The following RPH3A variants were observed in gnomAD, a reference collection of about 807,000 sequenced individuals.
RPH3A encodes rabphilin-3A.
In RPH3A, 48 loss-of-function variants were observed where a neutral mutation model predicts 102.2. The observed-to-expected ratio is 0.47, with a 90% CI of 0.37 to 0.60. RPH3A has a LOEUF of 0.60. RPH3A is among the 20% of genes least tolerant of loss of function. The probability of loss-of-function intolerance (pLI) is 0.00; values close to 1 mark genes in which losing one functional copy is unlikely to be tolerated. For synonymous variants in RPH3A, 310 were observed against 324.3 expected (o/e 0.96, Z 0.47); for missense variants, 781 against 910.1 (o/e 0.86, Z 1.83).
chr12:112,761,772 G>T (rs571959616), intron 1 of RPH3A, among the ~76,000 whole-genome samples: 2 of 152,208 alleles, frequency 1.3e-5, no homozygotes, highest in South Asian at 4.1e-4. Flanking sequence ...CCTCTGAGGG[G>T]CTGTCTTGCA....
chr12:112,640,330 A>C (rs2039879692), intron 1 of RPH3A, among the ~76,000 whole-genome samples: 2 of 96,534 alleles, frequency 2.1e-5, no homozygotes, highest in South Asian at 4.2e-4. Flanking sequence ...CATCTCAAAA[A>C]AAAAAAAAAA....
rs1353601368 is a variant in RPH3A at position 112,621,972 on chromosome 12, T to C, written c.-140+46653T>C. Among the ~76,000 whole-genome samples the C allele has an allele frequency of 8.4e-4, 127 of 150,436 alleles. 1 individual carries two copies. Among genetic ancestry groups the C allele is most frequent in the Middle Eastern group, 3.4e-3 (1 of 292 alleles). On this transcript the variant is annotated intron_variant, in intron 1 of 21. Coordinates refer to the RPH3A transcript ENST00000543106. ...CACTGACACCTCACACGGCAGGGTA[T>C]TCCAACAGACCTGCAGCTGAGGGTC...
intron 1 of RPH3A, chr12:112,617,660 GCCTCGGAGACTT>G (rs2039691623): frequency 6.6e-6 from 1 of 152,154 alleles, no homozygotes; most frequent in South Asian, 2.1e-4. Context: ...TTTTATTTCT[GCCTCGGAGACTT>G]CCTGGAGGAA....
At chr12:112,712,925 C>CTCTTATTCTTCTTCTTCTTCTTCTTCT in intron 1 of RPH3A, among the ~76,000 whole-genome samples, 1 of 94,572 alleles carries the variant, frequency 1.1e-5, no homozygotes, top group East Asian at 2.9e-4. Context: ...CTTCTTCTTC[C>CTCTTATTCTTCTTCTTCTTCTTCTTCT]TCTTCTTCTT....
chr12:112,885,943 G>T (rs917445578), intron 16 of RPH3A, among the ~76,000 whole-genome samples: 15 of 152,096 alleles, frequency 9.9e-5, no homozygotes, highest in African/African-American at 3.4e-4. Flanking sequence ...CCTATAAGTG[G>T]TGCTACAGGG....
chr12:112,865,427 C>T lies in RPH3A; in HGVS notation c.244C>T (p.Arg82Cys), dbSNP rs769217929. 22 of 1,613,710 alleles carry T rather than the reference C, an allele frequency of 1.4e-5. No individual in the cohort carries two copies. Among genetic ancestry groups the T allele is most frequent in the East Asian group, 2.2e-5 (1 of 44,880 alleles). Residue 82 changes from arginine (R) to cysteine (C), a missense_variant, in exon 6 of 22, where the codon CGC becomes TGC. By Grantham distance (180) the Arg-to-Cys change is radical. Around this residue, in one of 2 missense-constraint regions of RPH3A, gnomAD observed 730 missense variants for 810.0 expected, o/e 0.90. Coordinates refer to ENST00000389385, the MANE Select transcript of RPH3A (RefSeq NM_001143854.2). ...EQERIGRLVD[R>C]LENMRKNVAG... ...CTCTGCTTCCAGACGCCTGGTGGAC[C>T]GCCTAGAAAACATGAGGAAGAACGT...
chr12:112,668,656 CG>C lies in RPH3A; in HGVS notation c.-140+93340del, dbSNP rs2040104393. Reference sequence around the variant, plus strand: ...GGGGAACATCAAACACCAGGCCTGTCGGGTGGTGGGGGCAAGGGGAGGGAGA... The same window carrying C: ...GGGGAACATCAAACACCAGGCCTGTCGGTGGTGGGGGCAAGGGGAGGGAGA... On this transcript the variant is annotated intron_variant, in intron 1 of 21. Transcript: ENST00000543106. 2.0e-5 allele frequency among the ~76,000 whole-genome samples: 3 copies of C among 152,056 alleles called. No homozygotes were observed. In the South Asian group the frequency reaches 6.3e-4, roughly 32 times the overall value.
intron 1 of RPH3A, among the ~76,000 whole-genome samples, chr12:112,681,909 G>C (rs1406621762): frequency 6.6e-6 from 1 of 152,156 alleles, no homozygotes; most frequent in Non-Finnish European, 1.5e-5. Context: ...TTTTAGCATG[G>C]CTTGCAAAGC....
At position 112,722,226 on chromosome 12, in the gene RPH3A, G is replaced by A. The variant is rs961505000; in HGVS notation, c.-139-69917G>A. ...CCATCATGCCTCAGAGATCACATGA[G>A]AATTGGTTATTGGAATTGTTTCCTT... On this transcript the variant is annotated intron_variant, in intron 1 of 21. Transcript: ENST00000543106. 2.0e-5 allele frequency among the ~76,000 whole-genome samples: 3 copies of A among 152,328 alleles called. No homozygotes were observed. In the East Asian group the frequency reaches 5.8e-4, roughly 29 times the overall value.
chr12:112,592,212 A>G (rs899105879), intron 1 of RPH3A, among the ~76,000 whole-genome samples: 2 of 152,166 alleles, frequency 1.3e-5, no homozygotes, highest in African/African-American at 2.4e-5. Context: ...CCCTGCCTCT[A>G]CCAAAAATAC....
chr12:112,831,284 G>C (rs1423460961), intron 3 of RPH3A, among the ~76,000 whole-genome samples: 1 of 151,738 alleles, frequency 6.6e-6, no homozygotes, highest in Admixed American at 6.6e-5. Flanking sequence ...GGGCTTGGGG[G>C]TTTACAAATT....
intron 1 of RPH3A, among the ~76,000 whole-genome samples, chr12:112,598,893 G>A (rs1810310152): frequency 6.6e-6 from 1 of 152,208 alleles, no homozygotes; most frequent in South Asian, 2.1e-4. Context: ...CTGGCCTCTT[G>A]TATAGACCTT....
At chr12:112,620,755 A>G (rs2039715756) in intron 1 of RPH3A, among the ~76,000 whole-genome samples, 1 of 152,146 alleles carries the variant, frequency 6.6e-6, no homozygotes, top group Non-Finnish European at 1.5e-5. Context: ...ACTGCCATTA[A>G]CTGGCCACTC....
At chr12:112,865,570 C>G (rs533105261) in intron 6 of RPH3A, 27 bp downstream of exon 6, 1 of 1,609,500 alleles carries the variant, frequency 6.2e-7, no homozygotes, top group East Asian at 2.2e-5. Flanking sequence ...CTCCCTTCTT[C>G]CCTGTGCAGC....
intron 1 of RPH3A, among the ~76,000 whole-genome samples, chr12:112,735,831 A>G (rs576201988): frequency 6.6e-6 from 1 of 152,312 alleles, no homozygotes; most frequent in East Asian, 1.9e-4. Flanking sequence ...CTCATTGCTT[A>G]GAGGATGAAA....
intron 1 of RPH3A, among the ~76,000 whole-genome samples, chr12:112,576,297 C>T (rs1290702645): frequency 3.3e-5 from 5 of 152,224 alleles, no homozygotes; most frequent in African/African-American, 9.6e-5. Context: ...GGCAGGATTG[C>T]AGACCCTGTG....
intron 7 of RPH3A, 60 bp from the exon 8 acceptor site, chr12:112,868,370 G>A: frequency 1.3e-6 from 2 of 1,561,168 alleles, no homozygotes; most frequent in Non-Finnish European, 1.7e-6. Flanking sequence ...GGGCACTCAT[G>A]AAGGTAAGAG....
chr12:112,644,784 A>T (rs2039916479), intron 1 of RPH3A, among the ~76,000 whole-genome samples: 1 of 152,138 alleles, frequency 6.6e-6, no homozygotes, highest in Non-Finnish European at 1.5e-5. Flanking sequence ...CAAGAAACTC[A>T]CCTGAGTGGG....
chr12:112,640,607 A>G (rs2039882180), intron 1 of RPH3A, among the ~76,000 whole-genome samples: 1 of 152,158 alleles, frequency 6.6e-6, no homozygotes, highest in Non-Finnish European at 1.5e-5. Flanking sequence ...AGTTTGGAGC[A>G]ATAGATGCTT....
Sources: allele counts gnomAD v4.1 joint callset (sites outside exome capture counted in the v4.1 genomes callset), GRCh38; gene constraint gnomAD v4.1.1; regional missense constraint gnomAD v4.1.1; transcripts MANE v1.5; gene names NCBI Gene and HGNC (gene_info 2026-07-23, HGNC 2026-07-21).